The following GATAD1 variants were observed in gnomAD, a reference collection of about 807,000 sequenced individuals.
GATAD1 encodes GATA zinc finger domain-containing protein 1.
A neutral mutation model predicts 26.5 loss-of-function variants in GATAD1; 12 were observed. That is an observed-to-expected ratio of 0.45 (90% CI 0.29 to 0.73). The LOEUF (loss-of-function observed/expected upper bound fraction) is 0.73. Among genes scored for constraint, GATAD1 ranks in the 30% least tolerant of loss-of-function variants. GATAD1 has a pLI of 0.10. For synonymous variants in GATAD1, 129 were observed against 133.1 expected, an observed-to-expected ratio of 0.97 and a Z score of 0.21; for missense variants, 266 against 342.1, an observed-to-expected ratio of 0.78 and a Z score of 1.75.
chr7:92,457,700 A>G lies in GATAD1; in HGVS notation c.*1138A>G, dbSNP rs1014611731. 1.3e-5 allele frequency: 2 copies of G among 152,228 alleles called. No homozygotes were observed. The highest frequency in any genetic ancestry group is 4.8e-5 in the African/African-American group (2 of 41,464). The allele number at this position is 152,228 out of a possible 1,614,324, so 9.4% of individuals were successfully genotyped here. A position where few individuals can be genotyped will look rare whatever the true frequency, so the allele number is the denominator to read the frequency against. On this transcript the variant is annotated 3_prime_UTR_variant, in exon 5 of 5. Transcript: ENST00000287957. ...GTATAGATGACTGACCAAGGGCTTA[A>G]TCAAATAAAATGACTAACAGCATCT...
the GATAD1 span, among the ~76,000 whole-genome samples, chr7:92,465,389 G>A: frequency 9.9e-5 from 15 of 152,226 alleles, no homozygotes; most frequent in East Asian, 1.9e-4. Context: ...AGGCCGAGGC[G>A]GGTGGATCAC....
intron 3 of GATAD1, chr7:92,454,197 A>C (rs1409354661): frequency 1.4e-5 from 4 of 285,404 alleles, no homozygotes; most frequent in Admixed American, 5.7e-5. Context: ...TCTGTAAAAA[A>C]TAAAGTCTAT....
At chr7:92,465,935 G>A in the GATAD1 span, among the ~76,000 whole-genome samples, 1 of 152,004 alleles carries the variant, frequency 6.6e-6, no homozygotes, top group African/African-American at 2.4e-5. Context: ...TGGGCAGTGG[G>A]GAGGTTGCAG....
In GATAD1 at chr7:92,456,681, C is replaced by A; in HGVS notation, c.*119C>A. ...AGTCAGATTCTCTTTCTTAAAAAAC[C>A]ACAAAAAAACTGGATTTCCAGTTCT... On this transcript the variant is annotated 3_prime_UTR_variant, in exon 5 of 5. Coordinates refer to ENST00000287957, the MANE Select transcript of GATAD1 (RefSeq NM_021167.5). 1.7e-6 allele frequency: 1 copy of A among 587,368 alleles called. No homozygotes were observed. Among genetic ancestry groups the A allele is most frequent in the Non-Finnish European group, 3.0e-6 (1 of 336,882 alleles). The allele number at this position is 587,368 out of a possible 1,614,324, so 36.4% of individuals were successfully genotyped here.
chr7:92,491,521 C>A, the GATAD1 span: 1 of 1,448,152 alleles, frequency 6.9e-7, no homozygotes, highest in Non-Finnish European at 9.7e-7. Flanking sequence ...CACAAAAGGA[C>A]AACCAGTTTA....
chr7:92,449,381 C>T, intron 2 of GATAD1: 1 of 982,450 alleles, frequency 1.0e-6, no homozygotes, highest in Non-Finnish European at 1.2e-6. Context: ...TTTGCTAAGC[C>T]TTATCTCCTC....
At chr7:92,462,301 G>T (rs1323989190), downstream of GATAD1, among the ~76,000 whole-genome samples, 1 of 149,352 alleles carries the variant, frequency 6.7e-6, no homozygotes, top group Admixed American at 6.6e-5. Flanking sequence ...TTTTAATAAC[G>T]CAAAAAAAAG....
the GATAD1 span, chr7:92,469,954 G>A: frequency 1.3e-6 from 1 of 777,728 alleles, no homozygotes; most frequent in South Asian, 1.3e-5. Flanking sequence ...GTAGGGGCTA[G>A]AGGTGCCATG....
the GATAD1 span, chr7:92,468,699 G>A: frequency 6.1e-6 from 4 of 660,868 alleles, no homozygotes; most frequent in Non-Finnish European, 1.1e-5. Flanking sequence ...AGCTAGTCCT[G>A]TCTCTCAGTC....
chr7:92,489,538 C>T, the GATAD1 span: 2 of 1,065,446 alleles, frequency 1.9e-6, no homozygotes, highest in East Asian at 2.6e-5. Flanking sequence ...CGTTCTCTTC[C>T]TTATAAGATA....
the GATAD1 span, among the ~76,000 whole-genome samples, chr7:92,478,982 C>T: frequency 4.6e-5 from 7 of 152,164 alleles, no homozygotes; most frequent in Non-Finnish European, 7.4e-5. Flanking sequence ...AATGATACAC[C>T]TGGTCAACCC....
the GATAD1 span, among the ~76,000 whole-genome samples, chr7:92,488,679 G>C: frequency 0.18 from 27,524 of 151,572 alleles, 3,025 homozygotes; most frequent in Admixed American, 0.27. Context: ...CTATACATTA[G>C]AATCACTTTC....
chr7:92,447,525 G>A lies in GATAD1; in HGVS notation c.-205G>A. 2.0e-6 allele frequency: 1 copy of A among 490,754 alleles called. No individual in the cohort carries two copies. The highest frequency in any genetic ancestry group is 3.2e-6 in the Non-Finnish European group (1 of 312,238). The allele number at this position is 490,754 out of a possible 1,614,324, so 30.4% of individuals were successfully genotyped here. On this transcript the variant is annotated 5_prime_UTR_variant, in exon 1 of 5. Transcript: ENST00000287957. ...CCAGTGCCTCGGGCCAGGGAATCCT[G>A]GCCTCCGCCTGCGGAGCCGGCGGAA... is the stretch of plus-strand genomic sequence containing the variant.
At position 92,456,527 on chromosome 7, in the gene GATAD1, A is replaced by G. The variant is rs1483299731; in HGVS notation, c.775A>G (p.Ile259Val). 1.9e-6 allele frequency: 3 copies of G among 1,612,730 alleles called. No individual in the cohort carries two copies. Among genetic ancestry groups the G allele is most frequent in the Non-Finnish European group, 2.5e-6 (3 of 1,179,404 alleles). The change falls in exon 5 of 5, where the codon ATA becomes GTA. Residue 259 changes from isoleucine to valine, a missense_variant. Transcript: ENST00000287957. ...GACTCATGTTGGGCCTACTCCTGCA[A>G]TAACAATTAAGGAATCAGTTGCCAA... ...IWTHVGPTPA[I>V]TIKESVANHL
At chr7:92,489,403 T>C in the GATAD1 span, 1 of 1,613,214 alleles carries the variant, frequency 6.2e-7, no homozygotes, top group Non-Finnish European at 8.5e-7. Flanking sequence ...TTGGTCCTGG[T>C]TGGTTCATGG....
rs149118518 is a variant in GATAD1 at position 92,449,782 on chromosome 7, G to T, written c.375+905G>T. The T allele has an allele frequency of 7.4e-4, 136 of 184,370 alleles. 2 individuals are homozygous for T. Among genetic ancestry groups the T allele is most frequent in the African/African-American group, 3.1e-3 (129 of 41,914 alleles). 11.4% of individuals were successfully genotyped at this position (184,370 alleles called of 1,614,324 possible). ...GTTACATAGGTATACGTGCCATGGT[G>T]GTTTGCTGCACCTATCAACCCATCA... is the stretch of plus-strand genomic sequence containing the variant. On this transcript the variant is annotated intron_variant, in intron 2 of 4. Transcript: ENST00000287957.
chr7:92,486,802 T>A, the GATAD1 span, among the ~76,000 whole-genome samples: 1 of 152,234 alleles, frequency 6.6e-6, no homozygotes, highest in Non-Finnish European at 1.5e-5. Context: ...ATTGTATTGA[T>A]GGTGGCTAAC....
At chr7:92,463,449 A>C (rs191525246), downstream of GATAD1, among the ~76,000 whole-genome samples, 1 of 152,204 alleles carries the variant, frequency 6.6e-6, no homozygotes, top group Admixed American at 6.5e-5. Flanking sequence ...CAGGAGATTG[A>C]GACCATTCTG....
the GATAD1 span, among the ~76,000 whole-genome samples, chr7:92,480,506 A>T: frequency 6.6e-6 from 1 of 152,212 alleles, no homozygotes; most frequent in Non-Finnish European, 1.5e-5. Flanking sequence ...ATGGAAGGAA[A>T]TGAGAGGTTC....
Sources: gnomAD v4.1 joint callset for allele counts (sites outside exome capture counted in the v4.1 genomes callset) on GRCh38, gnomAD v4.1.1 for gene constraint, MANE v1.5 for transcripts, NCBI Gene and HGNC (gene_info 2026-07-23, HGNC 2026-07-21) for gene names.